The following DNAH5 variants were observed in gnomAD, a reference collection of about 807,000 sequenced individuals.
The protein encoded by DNAH5 is dynein axonemal heavy chain 5.
DNAH5 carries 372 observed loss-of-function variants against 518.2 expected under a neutral mutation model. The ratio of observed to expected loss-of-function variants is 0.72; its 90% CI spans 0.66 to 0.78. The LOEUF is 0.78. DNAH5 is among the 30% of genes least tolerant of loss of function. The pLI is 0.00. For synonymous variants in DNAH5, 2,039 were observed against 2,025.9 expected (o/e 1.01, Z -0.17); for missense variants, 5,523 against 5,687.0 (o/e 0.97, Z 0.93).
In DNAH5 at chr5:13,876,667, A is replaced by C; in HGVS notation, c.3396+17T>G. 6.2e-7 allele frequency: 1 copy of C among 1,611,486 alleles called. No homozygotes were observed. On this transcript the variant is annotated intron_variant, in intron 22 of 78. Coordinates refer to ENST00000265104, the MANE Select transcript of DNAH5 (RefSeq NM_001369.3). ...TTGCAAAGCAAAAGGTCCGGCTGCC[A>C]GACCCTCTTGACATACCTTTTTGGT... is the stretch of plus-strand genomic sequence containing the variant.
chr5:13,883,501 T>C (rs534547508), intron 19 of DNAH5, among the ~76,000 whole-genome samples: 2 of 152,256 alleles, frequency 1.3e-5, no homozygotes, highest in African/African-American at 4.8e-5. Context: ...AATAACCACT[T>C]TGGAATTTCA....
intron 75 of DNAH5, 68 bp downstream of exon 75, chr5:13,714,337 C>T (rs1467587963): frequency 1.3e-6 from 2 of 1,495,424 alleles, no homozygotes; most frequent in Non-Finnish European, 1.9e-6. Context: ...CTCCTTTCTT[C>T]TTCCTCACTC....
At chr5:13,698,627 A>T (rs1468013660) in intron 78 of DNAH5, among the ~76,000 whole-genome samples, 1 of 152,212 alleles carries the variant, frequency 6.6e-6, no homozygotes, top group Non-Finnish European at 1.5e-5. Flanking sequence ...TTTCTCCATA[A>T]GGCACAGCCT....
chr5:13,851,371 G>A lies in DNAH5; in HGVS notation c.4951-556C>T, dbSNP rs1055313389. On this transcript the variant is annotated intron_variant, in intron 30 of 78. Coordinates refer to ENST00000265104, the MANE Select transcript of DNAH5 (RefSeq NM_001369.3). ...TGTCCAGGCCAGAGTGCAGGTGCTC[G>A]GTCACAGCTCACTGCAGCCTTGATT... Among the ~76,000 whole-genome samples, 6 of 152,218 alleles carry A rather than the reference G, an allele frequency of 3.9e-5. No individual in the cohort carries two copies. The East Asian group carries it at 5.8e-4, about 15-fold the overall frequency.
intron 60 of DNAH5, 57 bp from the exon 61 acceptor site, chr5:13,759,040 A>G (rs769574041): frequency 3.9e-5 from 62 of 1,608,456 alleles, no homozygotes; most frequent in Non-Finnish European, 5.1e-5. Flanking sequence ...AACATCCTGC[A>G]TTTCAGGGTC....
intron 61 of DNAH5, among the ~76,000 whole-genome samples, chr5:13,756,010 G>A (rs180935884): frequency 1.6e-4 from 25 of 152,308 alleles, no homozygotes; most frequent in Admixed American, 2.0e-4. Flanking sequence ...GCCTGTTGAG[G>A]GGAGCACACG....
chr5:13,743,662 C>G (rs2126653646), intron 65 of DNAH5, among the ~76,000 whole-genome samples: 1 of 152,058 alleles, frequency 6.6e-6, no homozygotes, highest in East Asian at 1.9e-4. Context: ...TCTGAACAGA[C>G]ATGTCTCAAA....
intron 3 of DNAH5, among the ~76,000 whole-genome samples, chr5:13,925,937 C>A (rs1777819361): frequency 6.6e-6 from 1 of 152,174 alleles, no homozygotes; most frequent in South Asian, 2.1e-4. Context: ...TCAGTCACTC[C>A]AGTCAATAAA....
intron 53 of DNAH5, among the ~76,000 whole-genome samples, 192 bp from the exon 54 acceptor site, chr5:13,777,547 T>A (rs546665936): frequency 6.6e-6 from 1 of 152,310 alleles, no homozygotes; most frequent in Admixed American, 6.5e-5. Flanking sequence ...TATAATTAAT[T>A]AATGTTTCTA....
intron 78 of DNAH5, among the ~76,000 whole-genome samples, chr5:13,692,837 TC>T (rs1476789790): frequency 1.3e-5 from 2 of 152,178 alleles, no homozygotes; most frequent in Non-Finnish European, 2.9e-5. Flanking sequence ...ACCCACATGC[TC>T]CCTTTCTCTC....
intron 55 of DNAH5, among the ~76,000 whole-genome samples, chr5:13,772,733 C>A (rs1332266811): frequency 6.6e-6 from 1 of 151,750 alleles, no homozygotes; most frequent in Non-Finnish European, 1.5e-5. Context: ...AGTATCAGCC[C>A]TAGGGGCTTC....
At chr5:13,808,744 G>A (rs747832844) in intron 46 of DNAH5, among the ~76,000 whole-genome samples, 97 of 151,898 alleles carry the variant, frequency 6.4e-4, no homozygotes, top group Non-Finnish European at 1.0e-3. Flanking sequence ...CGGATCACGA[G>A]GTCAGGAGAT....
At chr5:13,971,325 C>T (rs1031927079) in intron 1 of DNAH5, among the ~76,000 whole-genome samples, 4 of 152,090 alleles carry the variant, frequency 2.6e-5, no homozygotes, top group African/African-American at 9.7e-5. Flanking sequence ...CTAATGTGAT[C>T]CTTTAGGGGT....
intron 46 of DNAH5, among the ~76,000 whole-genome samples, chr5:13,808,786 T>C (rs1016612107): frequency 6.6e-5 from 10 of 152,004 alleles, no homozygotes; most frequent in African/African-American, 2.4e-4. Flanking sequence ...GGTGAAACCC[T>C]GTCTCTACTA....
chr5:13,786,868 A>G (rs1291767610), intron 51 of DNAH5, among the ~76,000 whole-genome samples: 1 of 152,234 alleles, frequency 6.6e-6, no homozygotes, highest in Non-Finnish European at 1.5e-5. Flanking sequence ...ATGAATAAGC[A>G]TATTCGATTA....
intron 23 of DNAH5, among the ~76,000 whole-genome samples, 155 bp from the exon 24 acceptor site, chr5:13,871,157 C>A (rs1016148814): frequency 6.6e-6 from 1 of 152,156 alleles, no homozygotes; most frequent in African/African-American, 2.4e-5. Flanking sequence ...TTTTCCTACT[C>A]ATTATATATT....
intron 55 of DNAH5, chr5:13,771,220 G>C (rs972902174): frequency 7.8e-6 from 4 of 514,496 alleles, no homozygotes; most frequent in African/African-American, 7.7e-5. Flanking sequence ...TTTGTTGCCT[G>C]GTGCTTGTGC....
At chr5:13,795,808 A>T (rs1297499217) in intron 47 of DNAH5, among the ~76,000 whole-genome samples, 2 of 152,216 alleles carry the variant, frequency 1.3e-5, no homozygotes, top group African/African-American at 4.8e-5. Context: ...TCAATAAAAT[A>T]CTGGCAAACT....
intron 8 of DNAH5, 50 bp downstream of exon 8, chr5:13,917,093 G>A (rs377397721): frequency 7.3e-7 from 1 of 1,372,408 alleles, no homozygotes; most frequent in Non-Finnish European, 1.0e-6. Context: ...AATTCAGCTA[G>A]TGCAAAAAGG....
Sources: allele counts gnomAD v4.1 joint callset (sites outside exome capture counted in the v4.1 genomes callset), GRCh38; gene constraint gnomAD v4.1.1; transcripts MANE v1.5; gene names NCBI Gene and HGNC (gene_info 2026-07-23, HGNC 2026-07-21).